The following DCC variants were observed in gnomAD, a reference collection of about 807,000 sequenced individuals.
The protein encoded by DCC is netrin receptor DCC.
DCC carries 58 observed loss-of-function variants against 172.5 expected under a neutral mutation model. That is an observed-to-expected ratio of 0.34 (90% confidence interval 0.27 to 0.42). The LOEUF (loss-of-function observed/expected upper bound fraction) is 0.42. DCC is among the 10% of genes least tolerant of loss of function. The pLI is 1.00. For missense variants in DCC, 1,740 were observed against 1,791.0 expected, an observed-to-expected ratio of 0.97 and a Z score of 0.51; for synonymous variants, 709 against 644.5, an observed-to-expected ratio of 1.10 and a Z score of -1.52.
chr18:53,126,342 T>C (rs1036774863), intron 7 of DCC, among the ~76,000 whole-genome samples: 3 of 152,140 alleles, frequency 2.0e-5, no homozygotes, highest in African/African-American at 4.8e-5. Flanking sequence ...CAACTCTCTA[T>C]AGTGAGTACA....
intron 12 of DCC, among the ~76,000 whole-genome samples, chr18:53,280,059 A>G (rs1269876807): frequency 6.6e-6 from 1 of 152,112 alleles, no homozygotes; most frequent in Non-Finnish European, 1.5e-5. Flanking sequence ...CTATATAACA[A>G]AACTGCAAAT....
At chr18:53,429,723 A>G (rs1291982297) in intron 21 of DCC, among the ~76,000 whole-genome samples, 2 of 152,058 alleles carry the variant, frequency 1.3e-5, no homozygotes, top group Admixed American at 1.3e-4. Context: ...AATAAAACCA[A>G]AGGTTTTGAA....
intron 2 of DCC, among the ~76,000 whole-genome samples, chr18:52,869,811 A>G (rs1217581230): frequency 6.6e-6 from 1 of 152,058 alleles, no homozygotes; most frequent in Non-Finnish European, 1.5e-5. Flanking sequence ...CTGTTCCAAT[A>G]TTGCAGTGGG....
rs192686631 is a variant in DCC, at chr18:53,066,285, G to A, written c.1261+119G>A. 48 of 904,420 alleles carry A rather than the reference G, an allele frequency of 5.3e-5. No homozygotes were observed. The Admixed American group carries it at 8.5e-4, about 16-fold the overall frequency. The allele number at this position is 904,420 out of a possible 1,614,324, so 56.0% of individuals were successfully genotyped here. A position where few individuals can be genotyped will look rare whatever the true frequency, so the allele number is the denominator to read the frequency against. On this transcript the variant is annotated intron_variant, in intron 7 of 28. Transcript: ENST00000442544. The stretch of plus-strand genomic sequence containing the variant: ...CAATATGGCAATATGAAATCATTTA[G>A]TTAATTAAGGTGTATACTTGTGTAT...
intron 27 of DCC, among the ~76,000 whole-genome samples, chr18:53,504,357 G>A (rs747019606): frequency 7.9e-5 from 12 of 152,086 alleles, no homozygotes; most frequent in Non-Finnish European, 1.0e-4. Flanking sequence ...GACACAAGAC[G>A]GTCATTTTAA....
At chr18:53,483,317 A>G (rs2045860300) in intron 25 of DCC, among the ~76,000 whole-genome samples, 1 of 151,880 alleles carries the variant, frequency 6.6e-6, no homozygotes, top group African/African-American at 2.4e-5. Context: ...ATGTTCATTC[A>G]TGTCTTCTCT....
At chr18:52,424,099 G>T (rs1987344223) in intron 1 of DCC, among the ~76,000 whole-genome samples, 1 of 151,952 alleles carries the variant, frequency 6.6e-6, no homozygotes. Flanking sequence ...TATGAAAATT[G>T]GTTTGCTTAT....
intron 12 of DCC, 80 bp from the exon 13 acceptor site, chr18:53,305,498 T>A: frequency 8.4e-7 from 1 of 1,183,442 alleles, no homozygotes; most frequent in Non-Finnish European, 1.3e-6. Context: ...TCTTCACACT[T>A]ACGTTTGGGT....
intron 1 of DCC, among the ~76,000 whole-genome samples, chr18:52,489,485 G>A (rs1025985777): frequency 6.6e-6 from 1 of 152,104 alleles, no homozygotes; most frequent in Non-Finnish European, 1.5e-5. Context: ...AATGTTATAT[G>A]CTGAGATCTC....
chr18:52,571,951 A>G (rs1290700061), intron 1 of DCC, among the ~76,000 whole-genome samples: 1 of 152,204 alleles, frequency 6.6e-6, no homozygotes, highest in East Asian at 1.9e-4. Context: ...GGTCAATCTA[A>G]TGGCAAAATT....
At chr18:52,359,588 C>G (rs939598405) in intron 1 of DCC, among the ~76,000 whole-genome samples, 1 of 152,054 alleles carries the variant, frequency 6.6e-6, no homozygotes, top group Non-Finnish European at 1.5e-5. Context: ...GGAGTGAGGC[C>G]TGAAATTGAA....
At position 53,480,901 on chromosome 18, in the gene DCC, G is replaced by A. The variant is rs1052109087; in HGVS notation, c.3737-5896G>A. ...CAGGTATCTAAGAGCAGTTTAGCTA[G>A]GTGGTTCAGGGTCAGAGCTTCAAGT... On this transcript the variant is annotated intron_variant, in intron 25 of 28. Coordinates refer to ENST00000442544, the MANE Select transcript of DCC (RefSeq NM_005215.4). 7 of 152,266 alleles carry A rather than the reference G, an allele frequency of 4.6e-5. No individual in the cohort carries two copies. The East Asian group carries it at 1.4e-3, about 29-fold the overall frequency. The allele number at this position is 152,266 out of a possible 1,614,324, so 9.4% of individuals were successfully genotyped here.
chr18:53,099,320 C>T (rs2043129712), intron 7 of DCC, among the ~76,000 whole-genome samples: 1 of 151,740 alleles, frequency 6.6e-6, no homozygotes, highest in Non-Finnish European at 1.5e-5. Flanking sequence ...ATTATCATTC[C>T]TTATTTTGAT....
intron 2 of DCC, among the ~76,000 whole-genome samples, chr18:52,798,833 ACCT>A (rs2037927436): frequency 6.6e-6 from 1 of 151,382 alleles, no homozygotes. Context: ...TCTCCCTGCA[ACCT>A]CCCCCTCCCA....
intron 15 of DCC, among the ~76,000 whole-genome samples, chr18:53,351,466 GTATA>G (rs58177961): frequency 2.7e-5 from 1 of 37,310 alleles, no homozygotes; most frequent in African/African-American, 1.2e-4. Flanking sequence ...TACACAGTGT[GTATA>G]TATATATATA....
At chr18:52,876,148 A>G (rs1441830287) in intron 2 of DCC, among the ~76,000 whole-genome samples, 1 of 152,210 alleles carries the variant, frequency 6.6e-6, no homozygotes, top group Non-Finnish European at 1.5e-5. Flanking sequence ...GCCAACAAGG[A>G]AACAATAGAG....
At chr18:52,977,291 A>C (rs2041134343) in intron 5 of DCC, among the ~76,000 whole-genome samples, 1 of 152,180 alleles carries the variant, frequency 6.6e-6, no homozygotes, top group South Asian at 2.1e-4. Context: ...CTAGCTATCC[A>C]TTAGAATTAC....
chr18:53,301,970 A>G lies in DCC; in HGVS notation c.1912-3608A>G, dbSNP rs148464212. Among the ~76,000 whole-genome samples the G allele has an allele frequency of 2.6e-5, 4 of 152,350 alleles. No individual in the cohort carries two copies. The South Asian group carries it at 6.2e-4, about 24-fold the overall frequency. ...TTATTTTCTCACAGTTAGTGAAGCT[A>G]GAAGTCCAAGATCAATGTGTTGGCA... On this transcript the variant is annotated intron_variant, in intron 12 of 28. Transcript: ENST00000442544.
At chr18:53,167,545 T>C (rs2054940857) in intron 8 of DCC, among the ~76,000 whole-genome samples, 1 of 152,210 alleles carries the variant, frequency 6.6e-6, no homozygotes, top group Non-Finnish European at 1.5e-5. Flanking sequence ...ATTTCTAAGG[T>C]CACATTATGT....
Sources: allele counts gnomAD v4.1 joint callset (sites outside exome capture counted in the v4.1 genomes callset), GRCh38; gene constraint gnomAD v4.1.1; transcripts MANE v1.5; gene names NCBI Gene and HGNC (gene_info 2026-07-23, HGNC 2026-07-21).